The following DCP1B variants were observed in gnomAD, a reference collection of about 807,000 sequenced individuals.
The protein encoded by DCP1B is decapping mRNA 1B.
A neutral mutation model predicts 60.5 loss-of-function variants in DCP1B; 47 were observed. The observed-to-expected ratio is 0.78, with a 90% CI of 0.61 to 0.99. The LOEUF (loss-of-function observed/expected upper bound fraction) is 0.99. DCP1B is among the 50% of genes least tolerant of loss of function. The pLI is 0.00. For synonymous variants in DCP1B, 267 were observed against 280.3 expected (o/e 0.95, Z 0.47); for missense variants, 725 against 756.8 (o/e 0.96, Z 0.49).
chr12:1,958,056 A>C (rs1057054638), intron 5 of DCP1B, among the ~76,000 whole-genome samples: 4 of 151,478 alleles, frequency 2.6e-5, no homozygotes, highest in Non-Finnish European at 5.9e-5. Context: ...ACAGGGGAAA[A>C]GCTCCCCAAC....
chr12:1,990,950 G>C (rs903405127), intron 3 of DCP1B, among the ~76,000 whole-genome samples: 15 of 151,246 alleles, frequency 9.9e-5, no homozygotes, highest in African/African-American at 3.7e-4. Context: ...AAATGACTCT[G>C]GGTGCAAAGG....
intron 5 of DCP1B, among the ~76,000 whole-genome samples, chr12:1,961,014 C>T (rs1336953611): frequency 1.3e-5 from 2 of 152,198 alleles, no homozygotes; most frequent in Non-Finnish European, 2.9e-5. Context: ...CGATGGAATG[C>T]TCTTTCCAAA....
intron 3 of DCP1B, among the ~76,000 whole-genome samples, chr12:1,982,937 A>G (rs2036570910): frequency 1.3e-5 from 2 of 152,128 alleles, no homozygotes; most frequent in African/African-American, 4.8e-5. Context: ...ATTTTTAATT[A>G]CAAATTCAAT....
At chr12:1,942,927 G>A (rs1468701706), downstream of DCP1B, among the ~76,000 whole-genome samples, 1 of 152,088 alleles carries the variant, frequency 6.6e-6, no homozygotes, top group African/African-American at 2.4e-5. Flanking sequence ...GCTAACAGAA[G>A]ACAAGAAATA....
At chr12:1,959,805 A>G (rs2031056036) in intron 5 of DCP1B, among the ~76,000 whole-genome samples, 1 of 151,986 alleles carries the variant, frequency 6.6e-6, no homozygotes, top group Non-Finnish European at 1.5e-5. Flanking sequence ...TAAAAATACA[A>G]AAAAATTATC....
intron 4 of DCP1B, among the ~76,000 whole-genome samples, chr12:1,967,627 G>C (rs1391227575): frequency 6.6e-6 from 1 of 152,176 alleles, no homozygotes; most frequent in Non-Finnish European, 1.5e-5. Context: ...AGGAAAAAAT[G>C]AATCATTCTA....
At chr12:2,002,179 G>T (rs896769670) in intron 1 of DCP1B, among the ~76,000 whole-genome samples, 1 of 151,988 alleles carries the variant, frequency 6.6e-6, no homozygotes, top group Non-Finnish European at 1.5e-5. Flanking sequence ...CCATTTTCAG[G>T]GCAATAAGAA....
intron 2 of DCP1B, among the ~76,000 whole-genome samples, chr12:1,995,491 G>T (rs2040577801): frequency 1.3e-5 from 2 of 152,244 alleles, no homozygotes; most frequent in Non-Finnish European, 2.9e-5. Context: ...TATACCAACG[G>T]TTCTTGGGTA....
chr12:1,974,458 C>G (rs879472447), intron 3 of DCP1B, among the ~76,000 whole-genome samples: 1 of 152,154 alleles, frequency 6.6e-6, no homozygotes, highest in Non-Finnish European at 1.5e-5. Flanking sequence ...TGATCCAGCA[C>G]TATGTAGACA....
At chr12:1,999,567 A>T (rs895804836) in intron 1 of DCP1B, among the ~76,000 whole-genome samples, 2 of 152,010 alleles carry the variant, frequency 1.3e-5, no homozygotes, top group East Asian at 1.9e-4. Context: ...CAAAACAAAA[A>T]TTTTTTTAAT....
At chr12:1,956,311 A>G (rs2030883330) in intron 5 of DCP1B, among the ~76,000 whole-genome samples, 2 of 152,230 alleles carry the variant, frequency 1.3e-5, no homozygotes, top group Admixed American at 6.5e-5. Flanking sequence ...TAAATAAAAC[A>G]ATATAAAATG....
chr12:1,958,203 C>G (rs2030966269), intron 5 of DCP1B, among the ~76,000 whole-genome samples: 1 of 145,380 alleles, frequency 6.9e-6, no homozygotes, highest in African/African-American at 2.6e-5. Context: ...TAACGTTGCT[C>G]TGGGCAATGA....
intron 1 of DCP1B, 45 bp downstream of exon 1, chr12:2,004,237 C>A: frequency 6.2e-7 from 1 of 1,609,342 alleles, no homozygotes; most frequent in African/African-American, 1.3e-5. Context: ...CCCCCCGCCT[C>A]CACCCCAACC....
chr12:1,968,526 A>G (rs1220865471), intron 3 of DCP1B, among the ~76,000 whole-genome samples: 1 of 152,198 alleles, frequency 6.6e-6, no homozygotes, highest in East Asian at 1.9e-4. Context: ...CAGACGGAAA[A>G]TGAAATCACA....
intron 3 of DCP1B, chr12:1,970,975 T>C (rs1310463174): frequency 2.4e-6 from 2 of 828,368 alleles, no homozygotes; most frequent in African/African-American, 1.8e-5. Flanking sequence ...GAATAGCTTC[T>C]GGGTTTTAAA....
intron 3 of DCP1B, among the ~76,000 whole-genome samples, chr12:1,974,434 C>T (rs2033635450): frequency 6.6e-6 from 1 of 152,142 alleles, no homozygotes. Context: ...CTCCCGAAGA[C>T]TGTATATTTC....
rs563139361 is a variant in DCP1B at position 1,983,843 on chromosome 12, TAA to T, written c.319+9419_319+9420del. 1.4e-4 allele frequency among the ~76,000 whole-genome samples: 21 copies of T among 148,404 alleles called. No individual in the cohort carries two copies. In the South Asian group the frequency reaches 4.5e-3, roughly 32 times the overall value. ...TAAATTCTCCAAGTAACTGCAGAATTAAAAAAAAAACAAAAACTTCTCCTTTC... is the reference window on the plus strand; with the variant it reads ...TAAATTCTCCAAGTAACTGCAGAATTAAAAAAAACAAAAACTTCTCCTTTC... On this transcript the variant is annotated intron_variant, in intron 3 of 8. Coordinates refer to ENST00000280665, the MANE Select transcript of DCP1B (RefSeq NM_152640.5).
At chr12:2,002,002 T>C (rs558053018) in intron 1 of DCP1B, among the ~76,000 whole-genome samples, 8 of 152,240 alleles carry the variant, frequency 5.3e-5, no homozygotes, top group Non-Finnish European at 1.2e-4. Flanking sequence ...ATTAATATTT[T>C]GGAGGCGGGG....
chr12:1,980,078 C>T (rs114572848), intron 3 of DCP1B, among the ~76,000 whole-genome samples: 5,777 of 152,226 alleles, frequency 0.038, 346 homozygotes, highest in African/African-American at 0.13. Flanking sequence ...GCTAAACAAA[C>T]CCATACACTA....
Sources: gnomAD v4.1 joint callset for allele counts (sites outside exome capture counted in the v4.1 genomes callset) on GRCh38, gnomAD v4.1.1 for gene constraint, MANE v1.5 for transcripts, NCBI Gene and HGNC (gene_info 2026-07-23, HGNC 2026-07-21) for gene names.